The following NBEAL2 variants were observed in gnomAD, a reference collection of about 807,000 sequenced individuals.
NBEAL2 encodes the protein neurobeachin-like protein 2.
Under a neutral mutation model 299.8 loss-of-function variants are expected in NBEAL2, and 160 were observed. That is an observed-to-expected ratio of 0.53 (90% CI 0.47 to 0.61). The LOEUF (loss-of-function observed/expected upper bound fraction) is 0.61. Among genes scored for constraint, NBEAL2 ranks in the 20% least tolerant of loss-of-function variants. The pLI is 0.00. For synonymous variants in NBEAL2, 1,493 were observed against 1,542.3 expected, an observed-to-expected ratio of 0.97 and a Z score of 0.75; for missense variants, 3,112 against 3,649.0, an observed-to-expected ratio of 0.85 and a Z score of 3.79.
In NBEAL2 at chr3:47,002,206, C is replaced by A. The variant is rs767054517; in HGVS notation, c.5069C>A (p.Pro1690His). The A allele has an allele frequency of 6.5e-7, 1 of 1,531,750 alleles. No homozygotes were observed. Among genetic ancestry groups the A allele is most frequent in the East Asian group, 2.4e-5 (1 of 42,060 alleles). 94.9% of individuals were successfully genotyped at this position (1,531,750 alleles called of 1,614,324 possible). A position where few individuals can be genotyped will look rare whatever the true frequency, so the allele number is the denominator to read the frequency against. The change falls in exon 31 of 54, where the codon CCC (proline) becomes CAC (histidine). Residue 1690 changes from proline to histidine, a missense_variant. By Grantham distance (77) the Pro-to-His change is moderately conservative. Coordinates refer to ENST00000450053, the MANE Select transcript of NBEAL2 (RefSeq NM_015175.3). ...GLQWGLPSLP[P>H]TNGSPTFFED... ...CAGTGGGGACTGCCCTCCCTGCCAC[C>A]CACCAATGGCAGCCCCACCTTCTTT...
rs1289250856 is a variant in NBEAL2, at chr3:46,994,570, G to A, written c.1296+17G>A. On this transcript the variant is annotated intron_variant, in intron 12 of 53. Transcript: ENST00000450053. The stretch of plus-strand genomic sequence containing the variant: ...CTCAACATGGTGAGGGAAGGGGCTT[G>A]GGACCAGGGTCCCAAAGGCAACCAG... The A allele has an allele frequency of 1.9e-6, 3 of 1,560,096 alleles. No individual in the cohort carries two copies. The African/African-American group carries it at 4.1e-5, about 21-fold the overall frequency.
Position 46,992,472 on chromosome 3 carries a change from C to G in NBEAL2, c.1033-3C>G. On this transcript the variant is annotated splice_region_variant and splice_polypyrimidine_tract_variant and intron_variant, in intron 9 of 53. Transcript: ENST00000450053. ...CACCCTGTGCCTCCCCACTTCCCCA[C>G]AGCTGTACCTGCAGTCCCGGGCGCC... The G allele has an allele frequency of 6.2e-7, 1 of 1,604,908 alleles. No individual in the cohort carries two copies. The highest frequency in any genetic ancestry group is 8.5e-7 in the Non-Finnish European group (1 of 1,176,246).
chr3:46,981,057 G>T lies in NBEAL2; in HGVS notation c.51+1145G>T, dbSNP rs73831453. Among the ~76,000 whole-genome samples the T allele has an allele frequency of 2.1e-3, 324 of 152,290 alleles. 3 individuals carry two copies. Among genetic ancestry groups the T allele is most frequent in the African/African-American group, 7.5e-3 (311 of 41,562 alleles). On this transcript the variant is annotated intron_variant, in intron 1 of 53. Coordinates refer to ENST00000450053, the MANE Select transcript of NBEAL2 (RefSeq NM_015175.3). ...TCCGCTCAGGTTGTGAGAGGTCCAG[G>T]CCCCAGCAGGAGGCCAGGCATGGAG...
At position 47,000,161 on chromosome 3, in the gene NBEAL2, G is replaced by A. The variant is rs562147265; in HGVS notation, c.4062G>A (p.Thr1354=). ...ACCATGCTCTCTCCCCATTCTGCACGCCCTTTGACCTGGGCCTGGAACGGT... is the reference window on the plus strand; with the variant it reads ...ACCATGCTCTCTCCCCATTCTGCACACCCTTTGACCTGGGCCTGGAACGGT... ...GFYHALSPFC[T]PFDLGLERSS... Residue 1354 remains threonine (T), a synonymous_variant, in exon 27 of 54, where the codon ACG becomes ACA. Coordinates refer to ENST00000450053, the MANE Select transcript of NBEAL2 (RefSeq NM_015175.3). The surrounding 1 kb of genome is among the most constrained non-coding windows in gnomAD (Gnocchi z 4.5). 18 of 1,613,660 alleles carry A rather than the reference G, an allele frequency of 1.1e-5. No homozygotes were observed. Among genetic ancestry groups the A allele is most frequent in the Admixed American group, 1.7e-5 (1 of 60,010 alleles).
intron 49 of NBEAL2, 54 bp downstream of exon 49, chr3:47,007,964 T>G: frequency 6.3e-7 from 1 of 1,584,510 alleles, no homozygotes; most frequent in Non-Finnish European, 8.6e-7. Flanking sequence ...CTGCAGCCCA[T>G]CCGTCCCTCA....
chr3:47,004,152 C>T lies in NBEAL2; in HGVS notation c.5957C>T (p.Ser1986Leu). Residue 1986 changes from serine (S) to leucine (L), a missense_variant, in exon 37 of 54, where the codon TCA becomes TTA. By Grantham distance (145) the Ser-to-Leu change is moderately radical. Transcript: ENST00000450053. The surrounding 1 kb of genome is among the most constrained non-coding windows in gnomAD (Gnocchi z 5.0). ...VHLRRFNLRR[S>L]ALELFFIDQA... Reference sequence around the variant, plus strand: ...CTGCGGCGTTTCAACCTGCGCCGTTCAGCACTTGAGCTCTTCTTTATCGAT... The same window carrying T: ...CTGCGGCGTTTCAACCTGCGCCGTTTAGCACTTGAGCTCTTCTTTATCGAT... The T allele has an allele frequency of 2.5e-6, 4 of 1,613,772 alleles. No homozygotes were observed. The highest frequency in any genetic ancestry group is 3.4e-6 in the Non-Finnish European group (4 of 1,179,794).
Position 46,997,689 on chromosome 3 carries a change from C to T in NBEAL2, c.2953C>T (p.Arg985Ter), listed in dbSNP as rs545242950. 5 of 1,526,794 alleles carry T rather than the reference C, an allele frequency of 3.3e-6. No homozygotes were observed. The highest frequency in any genetic ancestry group is 2.1e-5 in the Admixed American group (1 of 48,102). The allele number at this position is 1,526,794 out of a possible 1,614,324, so 94.6% of individuals were successfully genotyped here. ...QGPAIIGALL[R>*]KVPSWAMDMN... ...GCCTGCCATCATCGGGGCCCTCCTG[C>T]GAAAGGTGGGGCCCGGTGGGACAGG... The change falls in exon 20 of 54, where the codon CGA becomes TGA. Residue 985 changes from arginine to a stop codon, truncating the protein, a stop_gained. Transcript: ENST00000450053. LOFTEE classifies it high-confidence loss of function.
At chr3:46,992,390 CT>C (rs1245755682) in intron 9 of NBEAL2, 84 bp from the exon 10 acceptor site, 10 of 1,308,028 alleles carry the variant, frequency 7.6e-6, no homozygotes, top group East Asian at 7.5e-5. Context: ...GCAGCTGCCC[CT>C]GGTCCTGCTC....
rs1271702080 is a variant in NBEAL2 at position 47,003,314 on chromosome 3, G to A, written c.5720+5G>A. 4.3e-6 allele frequency: 7 copies of A among 1,611,658 alleles called. No homozygotes were observed. Among genetic ancestry groups the A allele is most frequent in the African/African-American group, 2.7e-5 (2 of 74,906 alleles). ...GCTGGCTGAGCTGGAGACCCCGTGA[G>A]TGGGGCCCTGGAGAGATTGGACTGG... On this transcript the variant is annotated splice_donor_5th_base_variant and intron_variant, in intron 35 of 53. Transcript: ENST00000450053. The surrounding 1 kb of genome is among the most constrained non-coding windows in gnomAD (Gnocchi z 7.0).
chr3:46,996,659 A>T, intron 16 of NBEAL2, 67 bp downstream of exon 16: 6 of 1,526,618 alleles, frequency 3.9e-6, no homozygotes, highest in Non-Finnish European at 5.3e-6. Context: ...GGGAGAAGGC[A>T]TCTCTGGGGG....
intron 1 of NBEAL2, among the ~76,000 whole-genome samples, chr3:46,980,908 G>A (rs1225328251): frequency 6.6e-6 from 1 of 152,168 alleles, no homozygotes; most frequent in African/African-American, 2.4e-5. Flanking sequence ...GGACCATTGT[G>A]TGCCCTGAAC....
intron 1 of NBEAL2, among the ~76,000 whole-genome samples, chr3:46,987,351 C>G (rs959607253): frequency 6.6e-6 from 1 of 152,210 alleles, no homozygotes; most frequent in Non-Finnish European, 1.5e-5. Context: ...CTTTTCCACT[C>G]TAGCTCCCCC....
chr3:47,003,152 G>A lies in NBEAL2; in HGVS notation c.5585-22G>A. ...TCTCCTGTCCTGCCTTGCTTCTGCT[G>A]AGTACCCTTGGCCCCTTGCAGGTGA... On this transcript the variant is annotated intron_variant, in intron 34 of 53. Transcript: ENST00000450053. The surrounding 1 kb of genome is among the most constrained non-coding windows in gnomAD (Gnocchi z 7.0). The A allele has an allele frequency of 2.5e-6, 4 of 1,607,222 alleles. No homozygotes were observed. In the South Asian group the frequency reaches 4.4e-5, roughly 18 times the overall value.
chr3:47,001,287 A>G lies in NBEAL2; in HGVS notation c.4493A>G (p.Glu1498Gly). ...PPDCIKRSLL[E>G]MMLESALTDI... ...CCCCACTCACCCGCCAGCCTCCTGG[A>G]GATGATGCTGGAGTCAGCCCTGACC... The change falls in exon 29 of 54, where the codon GAG becomes GGG. Residue 1498 changes from glutamate to glycine, a missense_variant. This residue lies in a region of NBEAL2 where 2,243 missense variants were observed against 2,538.1 expected (regional missense o/e 0.88). Transcript: ENST00000450053. This position sits in a 1 kb window ranked among gnomAD's most constrained non-coding sequence, Gnocchi z 6.1. The G allele has an allele frequency of 6.2e-7, 1 of 1,605,214 alleles. No individual in the cohort carries two copies. Among genetic ancestry groups the G allele is most frequent in the Non-Finnish European group, 8.5e-7 (1 of 1,173,014 alleles).
Position 46,988,597 on chromosome 3 carries a change from C to T in NBEAL2, c.52-72C>T. The T allele has an allele frequency of 8.1e-7, 1 of 1,227,958 alleles. No individual in the cohort carries two copies. Among genetic ancestry groups the T allele is most frequent in the East Asian group, 2.9e-5 (1 of 34,104 alleles). 76.1% of individuals were successfully genotyped at this position (1,227,958 alleles called of 1,614,324 possible). A position where few individuals can be genotyped will look rare whatever the true frequency, so the allele number is the denominator to read the frequency against. On this transcript the variant is annotated intron_variant, in intron 1 of 53. Transcript: ENST00000450053. This position sits in a 1 kb window ranked among gnomAD's most constrained non-coding sequence, Gnocchi z 4.4. ...TCCATTCATTCTTCGCCTCTGTCTA[C>T]ATCCCCTTGTCCCTGCCCTGTTTAC... is the stretch of plus-strand genomic sequence containing the variant.
rs760632555 is a variant in NBEAL2, at chr3:47,003,117, G to A, written c.5584+36G>A. ...GTGCTGAGATGGGTCCACCCAACTC[G>A]ATTGTCCCGTCTCCTGTCCTGCCTT... On this transcript the variant is annotated intron_variant, in intron 34 of 53. Coordinates refer to ENST00000450053, the MANE Select transcript of NBEAL2 (RefSeq NM_015175.3). This position sits in a 1 kb window ranked among gnomAD's most constrained non-coding sequence, Gnocchi z 7.0. 5.6e-6 allele frequency: 9 copies of A among 1,610,712 alleles called. No homozygotes were observed. The highest frequency in any genetic ancestry group is 3.3e-5 in the South Asian group (3 of 90,920).
chr3:47,002,887 G>A (rs976508866), intron 33 of NBEAL2, 70 bp from the exon 34 acceptor site: 6 of 1,584,232 alleles, frequency 3.8e-6, no homozygotes, highest in Non-Finnish European at 4.3e-6. Context: ...CTGCCTTTGG[G>A]GTGAGGCCAG....
chr3:46,982,586 G>C lies in NBEAL2; in HGVS notation c.51+2674G>C, dbSNP rs1161050098. 2.0e-5 allele frequency among the ~76,000 whole-genome samples: 3 copies of C among 152,148 alleles called. No individual in the cohort carries two copies. The highest frequency in any genetic ancestry group is 4.4e-5 in the Non-Finnish European group (3 of 68,014). On this transcript the variant is annotated intron_variant, in intron 1 of 53. Transcript: ENST00000450053. The surrounding 1 kb of genome is among the most constrained non-coding windows in gnomAD (Gnocchi z 4.2). ...TTAGGGCCCTGGTGGGGAAACCAAG[G>C]CAGGGTCCTACTACGATTGTCAGAC...
intron 52 of NBEAL2, 22 bp from the exon 53 acceptor site, chr3:47,008,967 G>T: frequency 3.1e-6 from 5 of 1,598,564 alleles, no homozygotes; most frequent in Non-Finnish European, 4.2e-6. Flanking sequence ...GCAAGTTGGT[G>T]TATATCCCCT....
Sources: allele counts gnomAD v4.1 joint callset (sites outside exome capture counted in the v4.1 genomes callset), GRCh38; gene constraint gnomAD v4.1.1; regional missense constraint gnomAD v4.1.1; non-coding constraint Gnocchi (gnomAD v3.1); transcripts MANE v1.5; gene names NCBI Gene and HGNC (gene_info 2026-07-23, HGNC 2026-07-21).